UBE2W: variants seen among roughly 807,000 people sequenced by gnomAD.
UBE2W encodes the protein ubiquitin conjugating enzyme E2 W, also known as ubiquitin-conjugating enzyme E2 W.
Under a neutral mutation model 27.2 loss-of-function variants are expected in UBE2W, and 18 were observed. That is an observed-to-expected ratio of 0.66 (90% confidence interval 0.46 to 0.98). UBE2W has a LOEUF of 0.98. UBE2W is among the 50% of genes least tolerant of loss of function. The pLI is 0.00. For synonymous variants in UBE2W, 53 were observed against 57.2 expected (o/e 0.93, Z 0.33); for missense variants, 90 against 180.2 (o/e 0.50, Z 2.87).
At chr8:73,864,943 C>G (rs918219525) in intron 1 of UBE2W, among the ~76,000 whole-genome samples, 1 of 151,802 alleles carries the variant, frequency 6.6e-6, no homozygotes, top group South Asian at 2.1e-4. Flanking sequence ...AAACTCACAG[C>G]CAAAAGCACT....
Position 73,789,609 on chromosome 8 carries a change from G to A in UBE2W, c.*4493C>T, listed in dbSNP as rs1808109173. ...GCCTGTAATCGCAGCACTTTGGGAG[G>A]CTGAGGTGGGCAGATCACTTGAAGT... is the stretch of plus-strand genomic sequence containing the variant. On this transcript the variant is annotated 3_prime_UTR_variant, in exon 6 of 6. Coordinates refer to ENST00000602593, the MANE Select transcript of UBE2W (RefSeq NM_018299.6). 1 of 152,370 alleles carries A rather than the reference G, an allele frequency of 6.6e-6. No individual in the cohort carries two copies. Among genetic ancestry groups the A allele is most frequent in the African/African-American group, 2.4e-5 (1 of 41,424 alleles). 9.4% of individuals were successfully genotyped at this position (152,370 alleles called of 1,614,324 possible). A position where few individuals can be genotyped will look rare whatever the true frequency, so the allele number is the denominator to read the frequency against.
At chr8:73,801,652 A>C (rs997031935) in intron 5 of UBE2W, among the ~76,000 whole-genome samples, 1 of 152,218 alleles carries the variant, frequency 6.6e-6, no homozygotes, top group African/African-American at 2.4e-5. Flanking sequence ...TAGTAAGATA[A>C]AGGAGTTTCT....
At chr8:73,837,082 C>T (rs968415694) in intron 1 of UBE2W, among the ~76,000 whole-genome samples, 1 of 152,100 alleles carries the variant, frequency 6.6e-6, no homozygotes, top group Non-Finnish European at 1.5e-5. Context: ...ATCTAAGACA[C>T]GCCATCAATT....
chr8:73,821,408 G>A (rs917385305), intron 3 of UBE2W, among the ~76,000 whole-genome samples: 3 of 151,832 alleles, frequency 2.0e-5, no homozygotes, highest in Admixed American at 6.6e-5. Flanking sequence ...ACTATACAGG[G>A]ACTTGAATGC....
chr8:73,819,025 T>C (rs1809502988), intron 3 of UBE2W, among the ~76,000 whole-genome samples: 1 of 152,200 alleles, frequency 6.6e-6, no homozygotes, highest in Non-Finnish European at 1.5e-5. Flanking sequence ...TTCCTGTTTA[T>C]ACACCACTCC....
chr8:73,860,854 G>C (rs1218464274), intron 1 of UBE2W, among the ~76,000 whole-genome samples: 1 of 152,186 alleles, frequency 6.6e-6, no homozygotes, highest in Non-Finnish European at 1.5e-5. Context: ...GAAAGTTCAG[G>C]CTAGACATGG....
In UBE2W at chr8:73,788,160, T is replaced by C; in HGVS notation, c.*5942A>G. 1.0e-6 allele frequency: 1 copy of C among 977,330 alleles called. No homozygotes were observed. Among genetic ancestry groups the C allele is most frequent in the Non-Finnish European group, 1.2e-6 (1 of 822,600 alleles). 60.5% of individuals were successfully genotyped at this position (977,330 alleles called of 1,614,324 possible). ...ACAACTGCTTTATTATTAAAAGTTA[T>C]GAAATTCCATAAAGCAAAGTAATCT... On this transcript the variant is annotated 3_prime_UTR_variant, in exon 6 of 6. Transcript: ENST00000602593.
intron 2 of UBE2W, among the ~76,000 whole-genome samples, chr8:73,828,089 A>G (rs932039262): frequency 1.3e-5 from 2 of 152,086 alleles, no homozygotes; most frequent in African/African-American, 4.8e-5. Context: ...AATCACAAGC[A>G]TATGCCCCAG....
chr8:73,800,610 CTAAT>C (rs1257031781), intron 5 of UBE2W, among the ~76,000 whole-genome samples: 2 of 152,068 alleles, frequency 1.3e-5, no homozygotes, highest in Non-Finnish European at 2.9e-5. Context: ...ATTGGAAAAA[CTAAT>C]TACTGTATGA....
chr8:73,816,197 T>C (rs1305975955), intron 3 of UBE2W, among the ~76,000 whole-genome samples: 1 of 152,224 alleles, frequency 6.6e-6, no homozygotes, highest in Non-Finnish European at 1.5e-5. Context: ...TTGGATTGTC[T>C]TGGATGGTAA....
chr8:73,793,909 T>C lies in UBE2W; in HGVS notation c.*193A>G, dbSNP rs1808304688. 2 of 1,412,122 alleles carry C rather than the reference T, an allele frequency of 1.4e-6. No homozygotes were observed. The highest frequency in any genetic ancestry group is 1.7e-5 in the South Asian group (1 of 58,682). The allele number at this position is 1,412,122 out of a possible 1,614,324, so 87.5% of individuals were successfully genotyped here. ...TAATACTGTATGACTAATAAAAGCA[T>C]GTCAGTTGCCTGGACTGAACCAGCG... On this transcript the variant is annotated 3_prime_UTR_variant, in exon 6 of 6. Coordinates refer to ENST00000602593, the MANE Select transcript of UBE2W (RefSeq NM_018299.6).
At chr8:73,799,388 G>GA (rs1808547872) in intron 5 of UBE2W, among the ~76,000 whole-genome samples, 1 of 152,064 alleles carries the variant, frequency 6.6e-6, no homozygotes, top group African/African-American at 2.4e-5. Flanking sequence ...AACTTTACAA[G>GA]ACCAGTGCTC....
intron 4 of UBE2W, among the ~76,000 whole-genome samples, chr8:73,807,979 C>T (rs1209648244): frequency 6.6e-6 from 1 of 152,152 alleles, no homozygotes; most frequent in African/African-American, 2.4e-5. Context: ...CCTGTGATCT[C>T]AATATCAGAA....
At chr8:73,864,772 C>A (rs1586543328) in intron 1 of UBE2W, among the ~76,000 whole-genome samples, 1 of 114,396 alleles carries the variant, frequency 8.7e-6, no homozygotes, top group Non-Finnish European at 1.7e-5. Context: ...GCGGGGGGGG[C>A]TGAGGGGATA....
At chr8:73,833,012 A>C (rs919891175) in intron 1 of UBE2W, among the ~76,000 whole-genome samples, 1 of 151,812 alleles carries the variant, frequency 6.6e-6, no homozygotes, top group African/African-American at 2.4e-5. Context: ...ATATGGTGAA[A>C]CCCTACTAAA....
At chr8:73,845,154 C>T (rs532439222) in intron 1 of UBE2W, among the ~76,000 whole-genome samples, 3 of 144,704 alleles carry the variant, frequency 2.1e-5, no homozygotes, top group African/African-American at 5.0e-5. Context: ...TCTGCCCGGC[C>T]GCCCTGTCTG....
At chr8:73,823,021 C>T (rs1328679732) in intron 3 of UBE2W, among the ~76,000 whole-genome samples, 1 of 152,042 alleles carries the variant, frequency 6.6e-6, no homozygotes, top group Non-Finnish European at 1.5e-5. Flanking sequence ...TCAAGTATTT[C>T]AACAAGGGTG....
chr8:73,794,380 T>A (rs1457955232), intron 5 of UBE2W, among the ~76,000 whole-genome samples: 2 of 152,210 alleles, frequency 1.3e-5, no homozygotes. Flanking sequence ...TAAACTGACA[T>A]GACATGTTAG....
intron 1 of UBE2W, among the ~76,000 whole-genome samples, chr8:73,835,867 T>C (rs1325903070): frequency 6.6e-6 from 1 of 152,134 alleles, no homozygotes; most frequent in Non-Finnish European, 1.5e-5. Context: ...GCCTTCATAG[T>C]GAGGAACTGA....
Sources: gnomAD v4.1 joint callset for allele counts (sites outside exome capture counted in the v4.1 genomes callset) on GRCh38, gnomAD v4.1.1 for gene constraint, MANE v1.5 for transcripts, NCBI Gene and HGNC (gene_info 2026-07-23, HGNC 2026-07-21) for gene names.